The following SPTA1 variants were observed in gnomAD, a reference collection of about 807,000 sequenced individuals.
SPTA1 encodes the protein spectrin alpha chain, erythrocytic 1.
SPTA1 carries 177 observed loss-of-function variants against 324.7 expected under a neutral mutation model. The observed-to-expected ratio is 0.55, with a 90% CI of 0.48 to 0.62. The LOEUF (loss-of-function observed/expected upper bound fraction) is 0.62. SPTA1 is among the 20% of genes least tolerant of loss of function. The pLI is 0.00. For synonymous variants in SPTA1, 1,195 were observed against 1,041.3 expected, an observed-to-expected ratio of 1.15 and a Z score of -2.84; for missense variants, 3,162 against 2,883.6, an observed-to-expected ratio of 1.10 and a Z score of -2.21.
Position 158,622,981 on chromosome 1 carries a change from A to G in SPTA1, c.6120+2T>C. On this transcript the variant is annotated splice_donor_variant, in intron 43 of 51. Transcript: ENST00000643759. LOFTEE classifies it high-confidence loss of function. ...TGATCATGCCTCATAATTTTTTTAA[A>G]CCTTCTGTAGAGGCAGCTGTTTCTC... 5 of 1,613,888 alleles carry G rather than the reference A, an allele frequency of 3.1e-6. No individual in the cohort carries two copies. The highest frequency in any genetic ancestry group is 1.7e-5 in the Admixed American group (1 of 60,022).
intron 33 of SPTA1, among the ~76,000 whole-genome samples, chr1:158,641,834 C>G (rs530095071): frequency 6.6e-6 from 1 of 152,320 alleles, no homozygotes; most frequent in South Asian, 2.1e-4. Context: ...GATTATAAAT[C>G]ATGCTGCTAT....
At chr1:158,667,774 C>T (rs1206755062) in intron 15 of SPTA1, 84 bp downstream of exon 15, 3 of 1,440,050 alleles carry the variant, frequency 2.1e-6, no homozygotes, top group Non-Finnish European at 2.9e-6. Context: ...TAGAGGCCAC[C>T]AGATAAATTT....
At chr1:158,627,138 T>A in intron 40 of SPTA1, 131 bp from the exon 41 acceptor site, 1 of 1,229,136 alleles carries the variant, frequency 8.1e-7, no homozygotes, top group Non-Finnish European at 1.2e-6. Context: ...TTAGTTTGTG[T>A]AAGTTTCTAG....
chr1:158,685,396 A>T lies in SPTA1; in HGVS notation c.25-49T>A, dbSNP rs745781568. Reference sequence around the variant, plus strand: ...ACTTGCTAGTTCTCAAATATTTAACATGTTGCCCCGCTTATATGTGTCAAG... The same window carrying T: ...ACTTGCTAGTTCTCAAATATTTAACTTGTTGCCCCGCTTATATGTGTCAAG... On this transcript the variant is annotated intron_variant, in intron 1 of 51. Coordinates refer to ENST00000643759, the MANE Select transcript of SPTA1 (RefSeq NM_003126.4). The T allele has an allele frequency of 5.6e-6, 9 of 1,605,638 alleles. No individual in the cohort carries two copies. The East Asian group carries it at 6.7e-5, about 12-fold the overall frequency.
rs770635857 is a variant in SPTA1 at position 158,645,417 on chromosome 1, G to A, written c.3997-32C>T. 26 of 1,613,776 alleles carry A rather than the reference G, an allele frequency of 1.6e-5. No individual in the cohort carries two copies. The South Asian group carries it at 2.0e-4, about 12-fold the overall frequency. On this transcript the variant is annotated intron_variant, in intron 28 of 51. Coordinates refer to ENST00000643759, the MANE Select transcript of SPTA1 (RefSeq NM_003126.4). ...GAAAAAGGGGGAAGAAATCAGTGAG[G>A]CCAACTCCATTGGAAATTTTAAAAT... is the stretch of plus-strand genomic sequence containing the variant.
chr1:158,661,933 T>C (rs931940891), intron 17 of SPTA1, among the ~76,000 whole-genome samples: 1 of 152,176 alleles, frequency 6.6e-6, no homozygotes, highest in Non-Finnish European at 1.5e-5. Flanking sequence ...CAATAAATAC[T>C]TCTCACTGTG....
At position 158,620,476 on chromosome 1, in the gene SPTA1, G is replaced by GA. The variant is rs548425429; in HGVS notation, c.6121-11dup. On this transcript the variant is annotated splice_polypyrimidine_tract_variant and intron_variant, in intron 43 of 51. Transcript: ENST00000643759. ...CGAACAGGTCCTCAGCCTGCAGAGA[G>GA]AAAAAAAAGACACTACCATCTTTCC... 5.0e-6 allele frequency: 8 copies of GA among 1,608,896 alleles called. No individual in the cohort carries two copies. The East Asian group carries it at 1.1e-4, about 22-fold the overall frequency.
In SPTA1 at chr1:158,626,838, C is replaced by T; in HGVS notation, c.5833+1G>A. The T allele has an allele frequency of 6.2e-7, 1 of 1,613,592 alleles. No homozygotes were observed. The highest frequency in any genetic ancestry group is 8.5e-7 in the Non-Finnish European group (1 of 1,179,596). On this transcript the variant is annotated splice_donor_variant, in intron 41 of 51. Transcript: ENST00000643759. LOFTEE classifies it high-confidence loss of function. ...GGGACCCTGAACCTGACACATCATA[C>T]CTATCCAAGCCTCTACCACATCAGC...
intron 15 of SPTA1, 89 bp from the exon 16 acceptor site, chr1:158,666,586 T>C: frequency 8.7e-7 from 1 of 1,153,922 alleles, no homozygotes; most frequent in Non-Finnish European, 1.3e-6. Context: ...GAAGGATCAA[T>C]ATAGTATTTT....
chr1:158,637,454 C>A (rs74760780), intron 36 of SPTA1, among the ~76,000 whole-genome samples: 1 of 152,094 alleles, frequency 6.6e-6, no homozygotes, highest in Admixed American at 6.6e-5. Flanking sequence ...TAAGATTTTC[C>A]AAATCATATT....
intron 7 of SPTA1, among the ~76,000 whole-genome samples, chr1:158,677,398 G>T (rs543588949): frequency 6.6e-6 from 1 of 152,132 alleles, no homozygotes; most frequent in Non-Finnish European, 1.5e-5. Flanking sequence ...AATCAACCTT[G>T]AAGGTATATT....
chr1:158,653,796 C>T (rs1259409176), intron 21 of SPTA1, among the ~76,000 whole-genome samples: 1 of 146,570 alleles, frequency 6.8e-6, no homozygotes, highest in Non-Finnish European at 1.5e-5. Context: ...GGATATTGCA[C>T]AAAAATTCTT....
Position 158,657,520 on chromosome 1 carries a change from A to G in SPTA1, c.2762T>C (p.Ile921Thr). The G allele has an allele frequency of 2.5e-6, 4 of 1,614,120 alleles. No homozygotes were observed. Among genetic ancestry groups the G allele is most frequent in the South Asian group, 1.1e-5 (1 of 91,088 alleles). The change falls in exon 19 of 52, where the codon ATT becomes ACT. Residue 921 changes from isoleucine to threonine, a missense_variant. By Grantham distance (89) the Ile-to-Thr change is moderately conservative. Transcript: ENST00000643759. The part of the protein sequence containing the change: ...AETWIREKEP[I>T]VDNTNYGADE... ...AGCACCATAGTTAGTATTATCTACA[A>G]TAGGTTCCTTCTCTCTGATCCATGT... is the stretch of plus-strand genomic sequence containing the variant.
intron 50 of SPTA1, 40 bp from the exon 51 acceptor site, chr1:158,613,001 C>T: frequency 6.2e-7 from 1 of 1,608,488 alleles, no homozygotes; most frequent in Non-Finnish European, 8.5e-7. Flanking sequence ...CTTCTCAAGG[C>T]AGAGAAGGAA....
At chr1:158,625,912 G>C (rs1314539569) in intron 42 of SPTA1, among the ~76,000 whole-genome samples, 1 of 151,120 alleles carries the variant, frequency 6.6e-6, no homozygotes, top group Non-Finnish European at 1.5e-5. Context: ...AAAACCCAGA[G>C]AAAAATTAAA....
chr1:158,671,567 C>T (rs1654031120), intron 11 of SPTA1, 114 bp from the exon 12 acceptor site: 2 of 801,432 alleles, frequency 2.5e-6, no homozygotes, highest in Non-Finnish European at 2.1e-6. Flanking sequence ...GGAATTAGCA[C>T]ACATTATGAT....
chr1:158,678,587 A>G, intron 5 of SPTA1, 53 bp from the exon 6 acceptor site: 1 of 1,588,518 alleles, frequency 6.3e-7, no homozygotes, highest in Non-Finnish European at 8.6e-7. Context: ...TATATTTAAA[A>G]AATTATTCAA....
At chr1:158,647,317 AT>A (rs1416381264) in intron 27 of SPTA1, among the ~76,000 whole-genome samples, 4 of 152,226 alleles carry the variant, frequency 2.6e-5, no homozygotes, top group Non-Finnish European at 5.9e-5. Context: ...AAGCTTCTAC[AT>A]TATAGAAGCT....
intron 50 of SPTA1, 90 bp downstream of exon 50, chr1:158,613,631 A>T: frequency 1.3e-6 from 2 of 1,584,420 alleles, no homozygotes; most frequent in Admixed American, 3.4e-5. Flanking sequence ...AGATGAGTTA[A>T]TTTCATGTTT....
Sources: gnomAD v4.1 joint callset for allele counts (sites outside exome capture counted in the v4.1 genomes callset) on GRCh38, gnomAD v4.1.1 for gene constraint, MANE v1.5 for transcripts, NCBI Gene and HGNC (gene_info 2026-07-23, HGNC 2026-07-21) for gene names.